The following SGCZ variants were observed in gnomAD, a reference collection of about 807,000 sequenced individuals.
The protein encoded by SGCZ is sarcoglycan zeta, also known as zeta-sarcoglycan.
A neutral mutation model predicts 41.3 loss-of-function variants in SGCZ; 40 were observed. The ratio of observed to expected loss-of-function variants is 0.97; its 90% CI spans 0.75 to 1.26. SGCZ has a LOEUF of 1.26. Among genes scored for constraint, SGCZ ranks in the 50% most tolerant of loss-of-function variants. The pLI is 0.00. For synonymous variants in SGCZ, 206 were observed against 137.5 expected, an observed-to-expected ratio of 1.50 and a Z score of -3.49; for missense variants, 552 against 369.8, an observed-to-expected ratio of 1.49 and a Z score of -4.04.
chr8:14,142,828 C>T (rs898594164), intron 5 of SGCZ, among the ~76,000 whole-genome samples: 2 of 151,924 alleles, frequency 1.3e-5, no homozygotes, highest in Non-Finnish European at 2.9e-5. Flanking sequence ...GTGTGTGGCA[C>T]CTCTCCCCTT....
At chr8:15,020,262 G>A (rs1165124349) in intron 1 of SGCZ, among the ~76,000 whole-genome samples, 1 of 152,050 alleles carries the variant, frequency 6.6e-6, no homozygotes, top group East Asian at 1.9e-4. Context: ...TAAATGATTT[G>A]ATGCAAATAA....
At chr8:15,133,149 T>TATAA (rs139910762) in intron 1 of SGCZ, among the ~76,000 whole-genome samples, 4,295 of 151,288 alleles carry the variant, frequency 0.028, 85 homozygotes, top group African/African-American at 0.054. Context: ...TCTCAAAATA[T>TATAA]ATAAATAAAT....
intron 2 of SGCZ, among the ~76,000 whole-genome samples, chr8:14,449,595 C>A (rs1241857150): frequency 6.6e-6 from 1 of 152,148 alleles, no homozygotes; most frequent in African/African-American, 2.4e-5. Context: ...CCTCTACTCC[C>A]TCCATCGTCC....
chr8:14,888,015 T>C (rs1185215958), intron 1 of SGCZ, among the ~76,000 whole-genome samples: 1 of 152,276 alleles, frequency 6.6e-6, no homozygotes, highest in East Asian at 1.9e-4. Flanking sequence ...ATAGATGTGT[T>C]GATTAGCTTA....
At chr8:14,280,555 G>C (rs1800388459) in intron 3 of SGCZ, among the ~76,000 whole-genome samples, 1 of 151,818 alleles carries the variant, frequency 6.6e-6, no homozygotes, top group Non-Finnish European at 1.5e-5. Flanking sequence ...TGTTTTAGTG[G>C]TATTGTTTCT....
chr8:14,928,676 T>C (rs577405662), intron 1 of SGCZ, among the ~76,000 whole-genome samples: 1 of 152,334 alleles, frequency 6.6e-6, no homozygotes, highest in East Asian at 1.9e-4. Flanking sequence ...ATTGTATCTT[T>C]GTTAAGAACA....
At chr8:14,783,499 A>C (rs1260301950) in intron 1 of SGCZ, among the ~76,000 whole-genome samples, 2 of 152,258 alleles carry the variant, frequency 1.3e-5, no homozygotes, top group Admixed American at 1.3e-4. Flanking sequence ...GAAGAAAAAC[A>C]AAAGCACAAA....
intron 1 of SGCZ, among the ~76,000 whole-genome samples, chr8:14,797,166 C>G (rs1374235435): frequency 2.0e-5 from 3 of 151,508 alleles, no homozygotes; most frequent in African/African-American, 4.8e-5. Context: ...GGGGTGGGGA[C>G]AGTTTGGAGG....
At chr8:14,254,707 T>C (rs934326490) in intron 3 of SGCZ, among the ~76,000 whole-genome samples, 2 of 152,166 alleles carry the variant, frequency 1.3e-5, no homozygotes, top group South Asian at 2.1e-4. Flanking sequence ...GAAATGAATA[T>C]GCATACTTAC....
At chr8:14,762,777 T>C (rs1799930807) in intron 1 of SGCZ, among the ~76,000 whole-genome samples, 1 of 152,192 alleles carries the variant, frequency 6.6e-6, no homozygotes, top group South Asian at 2.1e-4. Flanking sequence ...AATAATGAAA[T>C]ACATGAAGAA....
intron 1 of SGCZ, among the ~76,000 whole-genome samples, chr8:14,861,900 T>C (rs1485181233): frequency 6.6e-6 from 1 of 152,056 alleles, no homozygotes; most frequent in Non-Finnish European, 1.5e-5. Context: ...GGATGGAAAA[T>C]ACATGTAATA....
At chr8:14,709,687 A>C (rs973234072) in intron 1 of SGCZ, among the ~76,000 whole-genome samples, 1 of 152,228 alleles carries the variant, frequency 6.6e-6, no homozygotes, top group African/African-American at 2.4e-5. Context: ...CAAAATGAAA[A>C]AAAAAAGACA....
intron 1 of SGCZ, among the ~76,000 whole-genome samples, chr8:14,671,193 T>G (rs974512762): frequency 2.0e-5 from 3 of 152,200 alleles, no homozygotes; most frequent in African/African-American, 7.2e-5. Flanking sequence ...CTCAAAATAT[T>G]TAAAATTGTG....
chr8:15,191,386 T>C (rs514205), intron 1 of SGCZ, among the ~76,000 whole-genome samples: 21,428 of 152,060 alleles, frequency 0.14, 1,729 homozygotes, highest in African/African-American at 0.19. Context: ...GTAGAAAATA[T>C]ATTTGACCAA....
Position 14,944,765 on chromosome 8 carries a change from A to G in SGCZ, c.39+292820T>C, listed in dbSNP as rs999016318. Among the ~76,000 whole-genome samples, 11 of 152,176 alleles carry G rather than the reference A, an allele frequency of 7.2e-5. No individual in the cohort carries two copies. In the East Asian group the frequency reaches 1.9e-3, roughly 27 times the overall value. ...TGAAAGTGCGTCCCTTTTCAACTTA[A>G]GATGGGTTTATTGAGACTTGACCCC... On this transcript the variant is annotated intron_variant, in intron 1 of 7. Transcript: ENST00000382080.
intron 1 of SGCZ, among the ~76,000 whole-genome samples, chr8:14,791,678 C>A (rs1041819370): frequency 6.6e-6 from 1 of 152,184 alleles, no homozygotes; most frequent in African/African-American, 2.4e-5. Context: ...GTGGCAGCCT[C>A]TGCTGTTCAC....
intron 2 of SGCZ, among the ~76,000 whole-genome samples, chr8:14,460,338 A>G (rs1563344007): frequency 6.6e-6 from 1 of 152,222 alleles, no homozygotes; most frequent in African/African-American, 2.4e-5. Flanking sequence ...GCCTAAATTC[A>G]GAAACCACTG....
At chr8:14,375,760 C>T (rs150323497) in intron 2 of SGCZ, among the ~76,000 whole-genome samples, 1 of 151,920 alleles carries the variant, frequency 6.6e-6, no homozygotes, top group African/African-American at 2.4e-5. Flanking sequence ...ATGTTTAGTA[C>T]TTAAACAGAA....
At chr8:14,528,839 A>AAAAG (rs1803036530) in intron 2 of SGCZ, among the ~76,000 whole-genome samples, 1 of 135,238 alleles carries the variant, frequency 7.4e-6, no homozygotes, top group African/African-American at 3.1e-5. Flanking sequence ...AAAAAAAAAC[A>AAAAG]AAACAAAAAC....
Sources: allele counts gnomAD v4.1 joint callset (sites outside exome capture counted in the v4.1 genomes callset), GRCh38; gene constraint gnomAD v4.1.1; transcripts MANE v1.5; gene names NCBI Gene and HGNC (gene_info 2026-07-23, HGNC 2026-07-21).